Variants in LRRC7 observed in about 807,000 individuals in gnomAD.
LRRC7 encodes the protein leucine-rich repeat-containing protein 7.
A neutral mutation model predicts 175.7 loss-of-function variants in LRRC7; 23 were observed. That is an observed-to-expected ratio of 0.13 (90% confidence interval 0.09 to 0.19). The LOEUF (loss-of-function observed/expected upper bound fraction) is 0.19. Ranked by LOEUF, LRRC7 falls within the 10% of genes least tolerant of loss-of-function variation. The pLI is 1.00. For synonymous variants in LRRC7, 685 were observed against 680.9 expected (o/e 1.01, Z -0.09); for missense variants, 1,354 against 1,904.7 (o/e 0.71, Z 5.38).
chr1:69,807,741 A>T (rs1289686083), intron 4 of LRRC7, among the ~76,000 whole-genome samples: 1 of 151,758 alleles, frequency 6.6e-6, no homozygotes, highest in Non-Finnish European at 1.5e-5. Context: ...GTTTTCCTTC[A>T]TTTCAACCTT....
intron 12 of LRRC7, 31 bp from the exon 13 acceptor site, chr1:70,012,943 T>C (rs773265224): frequency 9.0e-6 from 11 of 1,226,210 alleles, no homozygotes; most frequent in Middle Eastern, 2.1e-4. Flanking sequence ...GTGGTCTGAT[T>C]TTTTTACCTA....
At position 69,884,704 on chromosome 1, in the gene LRRC7, G is replaced by T. The variant is rs1431404806; in HGVS notation, c.647+46421G>T. 3.1e-3 allele frequency among the ~76,000 whole-genome samples: 443 copies of T among 144,266 alleles called. 1 individual carries two copies. The highest frequency in any genetic ancestry group is 0.011 in the African/African-American group (391 of 37,056). 94.6% of individuals were successfully genotyped at this position (144,266 alleles called of 152,430 possible). ...TCCCTGTCTTGTGCCAGTTTTCAAA[G>T]GGAATGCTTCCAGTTTTTGCCCATT... On this transcript the variant is annotated intron_variant, in intron 7 of 26. Coordinates refer to ENST00000651989, the MANE Select transcript of LRRC7 (RefSeq NM_001370785.2).
In LRRC7 at chr1:69,781,972, A is replaced by C. The variant is rs539310352; in HGVS notation, c.304-10071A>C. Among the ~76,000 whole-genome samples, 12 of 151,974 alleles carry C rather than the reference A, an allele frequency of 7.9e-5. No homozygotes were observed. In the East Asian group the frequency reaches 2.1e-3, roughly 27 times the overall value. On this transcript the variant is annotated intron_variant, in intron 3 of 26. Transcript: ENST00000651989. ...GAAAAGAAAGAAAGAAAGAAAAAGA[A>C]AGAAAGAGAAATGGCTTTGTACCCA...
intron 7 of LRRC7, among the ~76,000 whole-genome samples, chr1:69,898,550 CA>C (rs1352561824): frequency 6.6e-6 from 1 of 152,134 alleles, no homozygotes; most frequent in African/African-American, 2.4e-5. Flanking sequence ...AGTGTAATAC[CA>C]TTGCAACAGC....
chr1:69,831,415 G>A (rs944461263), intron 5 of LRRC7, among the ~76,000 whole-genome samples: 17 of 151,906 alleles, frequency 1.1e-4, no homozygotes, highest in Non-Finnish European at 2.9e-5. Flanking sequence ...GAAAATTAAT[G>A]ACCTACCATA....
chr1:69,718,155 A>AGAAAGAAG (rs1427696059), intron 2 of LRRC7, among the ~76,000 whole-genome samples: 2 of 149,624 alleles, frequency 1.3e-5, no homozygotes, highest in Non-Finnish European at 3.0e-5. Context: ...AAAGAAAGAA[A>AGAAAGAAG]GAAAGAAAGA....
At chr1:69,870,171 A>G (rs552461378) in intron 7 of LRRC7, among the ~76,000 whole-genome samples, 1 of 152,178 alleles carries the variant, frequency 6.6e-6, no homozygotes, top group East Asian at 1.9e-4. Context: ...AGCAGGGGAG[A>G]AGGTTTAGTA....
intron 1 of LRRC7, among the ~76,000 whole-genome samples, chr1:69,657,590 A>C (rs1656841717): frequency 6.6e-6 from 1 of 151,970 alleles, no homozygotes; most frequent in South Asian, 2.1e-4. Context: ...AAGTATTAAA[A>C]GTTATAATAT....
intron 1 of LRRC7, among the ~76,000 whole-genome samples, chr1:69,606,484 A>C (rs568272978): frequency 2.6e-5 from 4 of 152,156 alleles, no homozygotes; most frequent in Non-Finnish European, 4.4e-5. Context: ...GAAAAAAATA[A>C]GATACCAAAA....
At chr1:69,715,950 T>C (rs1233890771) in intron 2 of LRRC7, among the ~76,000 whole-genome samples, 3 of 151,962 alleles carry the variant, frequency 2.0e-5, no homozygotes, top group Non-Finnish European at 2.9e-5. Context: ...CCTGGATTTA[T>C]ATACCCACAG....
At chr1:69,658,972 A>T (rs1393738810) in intron 1 of LRRC7, among the ~76,000 whole-genome samples, 1 of 152,070 alleles carries the variant, frequency 6.6e-6, no homozygotes, top group African/African-American at 2.4e-5. Flanking sequence ...AGGAGCATAG[A>T]AAAGGAGAGG....
intron 2 of LRRC7, among the ~76,000 whole-genome samples, chr1:69,717,819 A>AGG: frequency 2.1e-5 from 1 of 47,854 alleles, no homozygotes; most frequent in Non-Finnish European, 3.9e-5. Context: ...AGAAAGAAAG[A>AGG]AAGAAAGAAA....
At chr1:69,889,350 A>T (rs977304391) in intron 7 of LRRC7, among the ~76,000 whole-genome samples, 1 of 152,196 alleles carries the variant, frequency 6.6e-6, no homozygotes, top group Admixed American at 6.5e-5. Context: ...ATGTGATGCT[A>T]TTTGATAGCA....
chr1:69,616,902 A>C (rs1649718444), intron 1 of LRRC7, among the ~76,000 whole-genome samples: 1 of 152,124 alleles, frequency 6.6e-6, no homozygotes, highest in Non-Finnish European at 1.5e-5. Flanking sequence ...TGAATATACT[A>C]CTGGAAAGTG....
At chr1:69,933,640 C>G (rs542931560) in intron 8 of LRRC7, among the ~76,000 whole-genome samples, 10 of 152,214 alleles carry the variant, frequency 6.6e-5, no homozygotes, top group African/African-American at 2.4e-4. Context: ...GCAAGATAAT[C>G]TACAACAAAT....
chr1:69,835,789 T>C (rs147068656), intron 6 of LRRC7, among the ~76,000 whole-genome samples: 1 of 152,198 alleles, frequency 6.6e-6, no homozygotes, highest in East Asian at 1.9e-4. Context: ...TGGTTAAATA[T>C]ATTATGGTTC....
In LRRC7 at chr1:69,712,370, G is replaced by A. The variant is rs1249475870; in HGVS notation, c.100+33892G>A. Among the ~76,000 whole-genome samples the A allele has an allele frequency of 9.2e-5, 14 of 152,178 alleles. No homozygotes were observed. In the East Asian group the frequency reaches 2.5e-3, roughly 27 times the overall value. On this transcript the variant is annotated intron_variant, in intron 2 of 26. Coordinates refer to ENST00000651989, the MANE Select transcript of LRRC7 (RefSeq NM_001370785.2). ...TGTAATCCCAGCACTCTGGGAGGCC[G>A]AGTCAGGCAGATCACCTGAGGTCAG...
chr1:69,839,311 A>G (rs1009244781), intron 7 of LRRC7, among the ~76,000 whole-genome samples: 1 of 152,136 alleles, frequency 6.6e-6, no homozygotes, highest in Non-Finnish European at 1.5e-5. Flanking sequence ...ATTTGAATAT[A>G]TACATAAAGA....
intron 22 of LRRC7, among the ~76,000 whole-genome samples, chr1:70,051,540 T>TA (rs758163032): frequency 6.6e-6 from 1 of 152,076 alleles, no homozygotes; most frequent in African/African-American, 2.4e-5. Context: ...GTTGAATAGC[T>TA]ACCTGCTAAT....
Sources: allele counts gnomAD v4.1 joint callset (sites outside exome capture counted in the v4.1 genomes callset), GRCh38; gene constraint gnomAD v4.1.1; transcripts MANE v1.5; gene names NCBI Gene and HGNC (gene_info 2026-07-23, HGNC 2026-07-21).